MGAT5: variants seen among roughly 807,000 people sequenced by gnomAD.
The protein encoded by MGAT5 is alpha-1,6-mannosylglycoprotein 6-beta-N-acetylglucosaminyltransferase.
Under a neutral mutation model 94.3 loss-of-function variants are expected in MGAT5, and 30 were observed. The observed-to-expected ratio is 0.32, with a 90% confidence interval of 0.24 to 0.43. MGAT5 has a LOEUF of 0.43. MGAT5 is among the 20% of genes least tolerant of loss of function. The pLI, the probability that MGAT5 is intolerant of heterozygous loss-of-function variation, is 1.00. For missense variants in MGAT5, 691 were observed against 905.5 expected (o/e 0.76, Z 3.04); for synonymous variants, 310 against 322.9 (o/e 0.96, Z 0.43).
intron 9 of MGAT5, among the ~76,000 whole-genome samples, chr2:134,351,513 T>A (rs192673032): frequency 6.6e-6 from 1 of 152,272 alleles, no homozygotes; most frequent in African/African-American, 2.4e-5. Flanking sequence ...AGTTCTATTT[T>A]AGAATATTGG....
intron 1 of MGAT5, among the ~76,000 whole-genome samples, chr2:134,172,828 G>A (rs114543227): frequency 0.014 from 2,189 of 152,262 alleles, 56 homozygotes; most frequent in African/African-American, 0.05. Flanking sequence ...ATAGGAATTG[G>A]GTGTCAAGGT....
At chr2:134,168,283 T>C (rs1688047425) in intron 1 of MGAT5, among the ~76,000 whole-genome samples, 1 of 151,870 alleles carries the variant, frequency 6.6e-6, no homozygotes, top group Non-Finnish European at 1.5e-5. Context: ...AGATGGGGGG[T>C]TGGAGATCAC....
At chr2:134,174,432 G>A (rs775995274) in intron 1 of MGAT5, among the ~76,000 whole-genome samples, 2 of 152,254 alleles carry the variant, frequency 1.3e-5, no homozygotes, top group Non-Finnish European at 2.9e-5. Context: ...TCTATGCCAT[G>A]CGTGGCTAGT....
At chr2:134,377,312 C>T (rs1681246010) in intron 10 of MGAT5, among the ~76,000 whole-genome samples, 1 of 152,168 alleles carries the variant, frequency 6.6e-6, no homozygotes, top group Admixed American at 6.5e-5. Context: ...GGCCTGCAGG[C>T]CTCATAGCTG....
rs535834315 is a variant in MGAT5 at position 134,415,964 on chromosome 2, T to G, written c.1677+2949T>G. Among the ~76,000 whole-genome samples, 6 of 152,326 alleles carry G rather than the reference T, an allele frequency of 3.9e-5. No individual in the cohort carries two copies. In the South Asian group the frequency reaches 1.2e-3, roughly 32 times the overall value. ...CTGTTCCATTGGTCTGTATGTCTGT[T>G]TTTATGCCAAAATCACCTGTACATT... On this transcript the variant is annotated intron_variant, in intron 12 of 15. Transcript: ENST00000281923.
intron 14 of MGAT5, among the ~76,000 whole-genome samples, chr2:134,430,967 G>T (rs576703945): frequency 4.6e-5 from 7 of 152,200 alleles, no homozygotes; most frequent in Admixed American, 6.5e-5. Flanking sequence ...GGCCCAGCCC[G>T]CCGAGGGAGG....
At chr2:134,438,929 TC>T (rs1469893903) in intron 14 of MGAT5, among the ~76,000 whole-genome samples, 1 of 152,184 alleles carries the variant, frequency 6.6e-6, no homozygotes, top group African/African-American at 2.4e-5. Flanking sequence ...CTGATAGGAA[TC>T]CAAGTTCTAG....
chr2:134,161,550 G>A (rs950424495), intron 1 of MGAT5, among the ~76,000 whole-genome samples: 5 of 152,128 alleles, frequency 3.3e-5, no homozygotes, highest in Admixed American at 6.5e-5. Context: ...AGGGGAGTAG[G>A]AGCCTCAGGA....
intron 2 of MGAT5, among the ~76,000 whole-genome samples, chr2:134,279,201 C>T (rs771676403): frequency 6.6e-6 from 1 of 152,234 alleles, no homozygotes; most frequent in Non-Finnish European, 1.5e-5. Context: ...GCTTTCACTT[C>T]TAGATCACCA....
At chr2:134,148,721 C>G (rs1222964684) in intron 1 of MGAT5, among the ~76,000 whole-genome samples, 1 of 150,314 alleles carries the variant, frequency 6.7e-6, no homozygotes, top group Non-Finnish European at 1.5e-5. Flanking sequence ...ACTTTCTGAG[C>G]TAGCTGTTGT....
chr2:134,133,192 G>A (rs1434700108), intron 1 of MGAT5, among the ~76,000 whole-genome samples: 1 of 152,182 alleles, frequency 6.6e-6, no homozygotes, highest in African/African-American at 2.4e-5. Context: ...CTGAATTAGG[G>A]TGGTATTATA....
intron 10 of MGAT5, among the ~76,000 whole-genome samples, chr2:134,401,229 C>T (rs889625984): frequency 1.1e-4 from 16 of 152,270 alleles, no homozygotes; most frequent in East Asian, 7.7e-4. Context: ...CCAACCCACC[C>T]GCCAAAACTG....
intron 1 of MGAT5, among the ~76,000 whole-genome samples, chr2:134,264,017 G>GTTTTGTT (rs1553433826): frequency 3.7e-5 from 4 of 108,940 alleles, no homozygotes; most frequent in South Asian, 3.2e-4. Context: ...ATGCCATTAG[G>GTTTTGTT]TTTTTTTTTT....
intron 2 of MGAT5, among the ~76,000 whole-genome samples, chr2:134,305,787 T>C (rs891585268): frequency 1.3e-5 from 2 of 152,162 alleles, no homozygotes; most frequent in South Asian, 2.1e-4. Flanking sequence ...TCTAGTAAAC[T>C]GCATGTGAGA....
At position 134,449,042 on chromosome 2, in the gene MGAT5, C is replaced by T. The variant is rs574215931; in HGVS notation, c.*195C>T. On this transcript the variant is annotated 3_prime_UTR_variant, in exon 16 of 16. Transcript: ENST00000281923. Reference sequence around the variant, plus strand: ...AGTCTTCACCAAAACAAAACAAGAGCGTATGTCAGGCCAGGAGCCTGGCTT... The same window carrying T: ...AGTCTTCACCAAAACAAAACAAGAGTGTATGTCAGGCCAGGAGCCTGGCTT... The T allele has an allele frequency of 1.2e-5, 7 of 599,592 alleles. No homozygotes were observed. Among genetic ancestry groups the T allele is most frequent in the East Asian group, 2.8e-5 (1 of 35,692 alleles). 37.1% of individuals were successfully genotyped at this position (599,592 alleles called of 1,614,324 possible). A position where few individuals can be genotyped will look rare whatever the true frequency, so the allele number is the denominator to read the frequency against.
At chr2:134,282,150 G>C (rs1020516859) in intron 2 of MGAT5, among the ~76,000 whole-genome samples, 5 of 152,216 alleles carry the variant, frequency 3.3e-5, no homozygotes, top group Non-Finnish European at 7.3e-5. Context: ...TGCCTTCCCT[G>C]TACTGCCCAG....
chr2:134,127,027 TTC>T (rs1185985464), intron 1 of MGAT5: 3 of 154,134 alleles, frequency 1.9e-5, no homozygotes, highest in Non-Finnish European at 2.9e-5. Flanking sequence ...TCTGTGTGAT[TTC>T]TCTGTTTTCC....
intron 2 of MGAT5, among the ~76,000 whole-genome samples, chr2:134,302,553 C>G (rs547840153): frequency 6.6e-6 from 1 of 152,200 alleles, no homozygotes; most frequent in East Asian, 1.9e-4. Flanking sequence ...CCCTTTCAAC[C>G]TAGAGCTTCT....
At chr2:134,221,690 GT>G (rs1212316598) in intron 1 of MGAT5, among the ~76,000 whole-genome samples, 2 of 152,162 alleles carry the variant, frequency 1.3e-5, no homozygotes, top group East Asian at 1.9e-4. Context: ...TTTCTTGCTT[GT>G]TATGCCAGAG....
Sources: allele counts gnomAD v4.1 joint callset (sites outside exome capture counted in the v4.1 genomes callset), GRCh38; gene constraint gnomAD v4.1.1; transcripts MANE v1.5; gene names NCBI Gene and HGNC (gene_info 2026-07-23, HGNC 2026-07-21).